Variants in POLB observed in about 807,000 individuals in gnomAD.
POLB encodes the protein DNA polymerase beta.
Under a neutral mutation model 52.7 loss-of-function variants are expected in POLB, and 37 were observed. The observed-to-expected ratio is 0.70, with a 90% CI of 0.54 to 0.92. The LOEUF (loss-of-function observed/expected upper bound fraction) is 0.92. POLB is among the 40% of genes least tolerant of loss of function. The pLI, the probability that POLB is intolerant of heterozygous loss-of-function variation, is 0.00. For missense variants in POLB, 313 were observed against 400.8 expected, an observed-to-expected ratio of 0.78 and a Z score of 1.87; for synonymous variants, 138 against 131.3, an observed-to-expected ratio of 1.05 and a Z score of -0.35.
Position 42,338,603 on chromosome 8 carries a change from G to C in POLB, c.-22G>C, listed in dbSNP as rs372427707. ...CTAGTCCCTGGTTCTGAACACTCTGGGGTTCTCGGGTGCAGGCCGCCATGA... is the reference window on the plus strand; with the variant it reads ...CTAGTCCCTGGTTCTGAACACTCTGCGGTTCTCGGGTGCAGGCCGCCATGA... On this transcript the variant is annotated 5_prime_UTR_variant, in exon 1 of 14. Transcript: ENST00000265421. The C allele has an allele frequency of 6.2e-7, 1 of 1,611,658 alleles. No homozygotes were observed. Among genetic ancestry groups the C allele is most frequent in the African/African-American group, 1.3e-5 (1 of 75,012 alleles).
At chr8:42,342,949 G>A (rs1822303315) in intron 2 of POLB, among the ~76,000 whole-genome samples, 1 of 152,156 alleles carries the variant, frequency 6.6e-6, no homozygotes, top group Admixed American at 6.6e-5. Flanking sequence ...AGCACTTTGG[G>A]AGACCGAGGC....
In POLB at chr8:42,339,076, C is replaced by T; in HGVS notation, c.119+7C>T. The T allele has an allele frequency of 1.2e-6, 2 of 1,607,388 alleles. No individual in the cohort carries two copies. Among genetic ancestry groups the T allele is most frequent in the South Asian group, 1.1e-5 (1 of 90,966 alleles). ...ACAAGTACAATGCTTACAGGTGGGACAGTGCAGCATTCTCGGGTAGCATAC... is the reference window on the plus strand; with the variant it reads ...ACAAGTACAATGCTTACAGGTGGGATAGTGCAGCATTCTCGGGTAGCATAC... On this transcript the variant is annotated splice_region_variant and intron_variant, in intron 2 of 13. Transcript: ENST00000265421.
intron 2 of POLB, chr8:42,339,667 C>T (rs942265904): frequency 5.9e-5 from 9 of 152,038 alleles, no homozygotes; most frequent in African/African-American, 2.2e-4. Context: ...CCATCTCAGC[C>T]TCCTGAGTGG....
At position 42,348,133 on chromosome 8, in the gene POLB, A is replaced by G. The variant is rs192564950; in HGVS notation, c.187-883A>G. On this transcript the variant is annotated intron_variant, in intron 3 of 13. Coordinates refer to ENST00000265421, the MANE Select transcript of POLB (RefSeq NM_002690.3). Reference sequence around the variant, plus strand: ...TCTGAAGGCTGCTTTGTCAGAATGTATATATCGTTTGACCTAGCAATTCCA... The same window carrying G: ...TCTGAAGGCTGCTTTGTCAGAATGTGTATATCGTTTGACCTAGCAATTCCA... Among the ~76,000 whole-genome samples the G allele has an allele frequency of 3.9e-5, 6 of 152,340 alleles. No homozygotes were observed. In the East Asian group the frequency reaches 1.2e-3, roughly 29 times the overall value.
intron 11 of POLB, among the ~76,000 whole-genome samples, chr8:42,367,415 C>T (rs927964255): frequency 3.9e-5 from 6 of 152,160 alleles, no homozygotes; most frequent in Admixed American, 1.3e-4. Context: ...TTAGCTAAGC[C>T]GGTATCTGAG....
At chr8:42,338,824 CGGCGCCCCT>C (rs1412618997) in intron 1 of POLB, 139 bp downstream of exon 1, 1 of 998,708 alleles carries the variant, frequency 1.0e-6, no homozygotes, top group Admixed American at 2.0e-5. Context: ...GATCTCCCTC[CGGCGCCCCT>C]GGCTGGTTGT....
At chr8:42,348,718 G>A (rs1822781752) in intron 3 of POLB, among the ~76,000 whole-genome samples, 1 of 152,156 alleles carries the variant, frequency 6.6e-6, no homozygotes, top group Admixed American at 6.5e-5. Flanking sequence ...TACCTGTAGG[G>A]TATTTGCTAA....
chr8:42,362,957 T>C (rs1823797616), intron 11 of POLB, among the ~76,000 whole-genome samples: 1 of 152,066 alleles, frequency 6.6e-6, no homozygotes, highest in Admixed American at 6.6e-5. Context: ...AAACCCCGTC[T>C]CTGCTAAAAA....
chr8:42,356,085 A>G (rs1168767455), intron 7 of POLB, among the ~76,000 whole-genome samples: 1 of 152,244 alleles, frequency 6.6e-6, no homozygotes, highest in East Asian at 1.9e-4. Flanking sequence ...TGTGCCAGAT[A>G]TAGTCTGGGA....
intron 11 of POLB, 176 bp from the exon 12 acceptor site, chr8:42,369,095 G>A (rs1479746506): frequency 4.5e-6 from 2 of 442,642 alleles, no homozygotes; most frequent in Non-Finnish European, 8.0e-6. Context: ...TAATTATCGT[G>A]AAGTGTAATA....
intron 10 of POLB, among the ~76,000 whole-genome samples, chr8:42,362,252 C>A (rs1823744963): frequency 7.1e-6 from 1 of 141,186 alleles, no homozygotes; most frequent in Non-Finnish European, 1.5e-5. Context: ...GAACGAGACT[C>A]CATCTAAAAA....
intron 2 of POLB, among the ~76,000 whole-genome samples, chr8:42,343,248 G>C (rs1235069454): frequency 6.7e-6 from 1 of 148,620 alleles, no homozygotes; most frequent in African/African-American, 2.5e-5. Flanking sequence ...CATGAACCCG[G>C]GAGGCGGAGC....
intron 4 of POLB, among the ~76,000 whole-genome samples, chr8:42,349,450 G>A (rs1286152105): frequency 1.3e-5 from 2 of 152,066 alleles, no homozygotes; most frequent in Non-Finnish European, 2.9e-5. Context: ...GTGCAGTGGC[G>A]CGATCTCGGC....
At chr8:42,340,028 C>A (rs531110535) in intron 2 of POLB, 1 of 152,270 alleles carries the variant, frequency 6.6e-6, no homozygotes, top group East Asian at 1.9e-4. Context: ...AATACCTAAT[C>A]ATTTACTCAA....
intron 9 of POLB, chr8:42,358,060 C>T (rs920523029): frequency 5.3e-5 from 8 of 152,080 alleles, no homozygotes; most frequent in African/African-American, 1.9e-4. Flanking sequence ...AGAATAATGT[C>T]TTAGAAGTAC....
chr8:42,353,611 CTT>C (rs1331654215), intron 6 of POLB, among the ~76,000 whole-genome samples: 4 of 152,098 alleles, frequency 2.6e-5, no homozygotes, highest in African/African-American at 7.2e-5. Flanking sequence ...TAATTTATCT[CTT>C]TATACTTTTC....
rs561239972 is a variant in POLB, at chr8:42,366,079, G to A, written c.709-3192G>A. Among the ~76,000 whole-genome samples, 21 of 150,874 alleles carry A rather than the reference G, an allele frequency of 1.4e-4. 1 individual carries two copies. Among genetic ancestry groups the A allele is most frequent in the African/African-American group, 4.4e-4 (18 of 40,828 alleles). On this transcript the variant is annotated intron_variant, in intron 11 of 13. Coordinates refer to ENST00000265421, the MANE Select transcript of POLB (RefSeq NM_002690.3). ...TGTGCCAGTGCATTCCAGCCCTGGC[G>A]ACAGAGCAAGACTCCCTCCCAAAGG... is the stretch of plus-strand genomic sequence containing the variant.
chr8:42,355,435 TA>T, intron 6 of POLB, 80 bp from the exon 7 acceptor site: 3 of 774,366 alleles, frequency 3.9e-6, no homozygotes, highest in Non-Finnish European at 6.7e-6. Context: ...TGGTTCTTTA[TA>T]AAAAGGGTCA....
intron 4 of POLB, 113 bp downstream of exon 4, chr8:42,349,203 TG>T (rs1822815575): frequency 6.6e-6 from 4 of 607,954 alleles, no homozygotes; most frequent in Admixed American, 6.1e-5. Flanking sequence ...TCACAGGAAA[TG>T]AGGTGAGTGA....
Sources: gnomAD v4.1 joint callset for allele counts (sites outside exome capture counted in the v4.1 genomes callset) on GRCh38, gnomAD v4.1.1 for gene constraint, MANE v1.5 for transcripts, NCBI Gene and HGNC (gene_info 2026-07-23, HGNC 2026-07-21) for gene names.